FCGR3B: variants seen among roughly 807,000 people sequenced by gnomAD.
FCGR3B encodes Fc gamma receptor IIIb.
In FCGR3B, 20 loss-of-function variants were observed where a neutral mutation model predicts 26.7. That is an observed-to-expected ratio of 0.75 (90% CI 0.53 to 1.09). The LOEUF is 1.09. Ranked by LOEUF, FCGR3B falls within the 50% of genes least tolerant of loss-of-function variation. The probability of loss-of-function intolerance (pLI) is 0.00; values close to 1 mark genes in which losing one functional copy is unlikely to be tolerated. For missense variants in FCGR3B, 191 were observed against 279.7 expected, an observed-to-expected ratio of 0.68 and a Z score of 2.26; for synonymous variants, 79 against 107.0, an observed-to-expected ratio of 0.74 and a Z score of 1.62.
In FCGR3B at chr1:161,623,479, C is replaced by G. The variant is rs931424925; in HGVS notation, c.*1036G>C. The G allele has an allele frequency of 1.3e-5, 2 of 150,252 alleles. No individual in the cohort carries two copies. The highest frequency in any genetic ancestry group is 3.0e-5 in the Non-Finnish European group (2 of 67,724). 9.3% of individuals were successfully genotyped at this position (150,252 alleles called of 1,614,324 possible). A position where few individuals can be genotyped will look rare whatever the true frequency, so the allele number is the denominator to read the frequency against. On this transcript the variant is annotated 3_prime_UTR_variant, in exon 5 of 5. Coordinates refer to ENST00000650385, the MANE Select transcript of FCGR3B (RefSeq NM_001244753.2). ...ACATTTGTTTAATAAATGCAATGAA[C>G]AAAGCTATACAGGAACTAGACATTG...
chr1:161,628,091 G>A (rs1224413471), intron 3 of FCGR3B, among the ~76,000 whole-genome samples: 6 of 149,750 alleles, frequency 4.0e-5, no homozygotes, highest in African/African-American at 1.0e-4. Context: ...GGCTAATGCC[G>A]TGAAACCCTG....
At chr1:161,631,220 T>C, upstream of FCGR3B, 1 of 1,580,150 alleles carries the variant, frequency 6.3e-7, no homozygotes, top group South Asian at 1.2e-5. Flanking sequence ...ACCTGCCAGT[T>C]TCCTTTTCTT....
chr1:161,630,779 G>A, intron 1 of FCGR3B: 4 of 628,944 alleles, frequency 6.4e-6, no homozygotes, highest in Non-Finnish European at 1.0e-5. Flanking sequence ...CAGACCCTAG[G>A]GACCATCTAG....
At chr1:161,625,607 G>A (rs1477098196) in intron 4 of FCGR3B, among the ~76,000 whole-genome samples, 1 of 142,086 alleles carries the variant, frequency 7.0e-6, no homozygotes, top group Non-Finnish European at 1.5e-5. Flanking sequence ...ACAGAGTCTA[G>A]CACACTGAAA....
intron 3 of FCGR3B, among the ~76,000 whole-genome samples, chr1:161,628,404 T>C (rs2102592308): frequency 6.7e-6 from 1 of 150,322 alleles, no homozygotes; most frequent in African/African-American, 2.5e-5. Flanking sequence ...ATTCTCATGG[T>C]CACAGTTTAA....
Position 161,626,283 on chromosome 1 carries a change from C to G in FCGR3B, c.439G>C (p.Asp147His). Reference protein sequence around the residue: ...HKVTYLQNGKDRKYFHHNSDF... With the variant: ...HKVTYLQNGKHRKYFHHNSDF... ...GAATTATGATGAAAATACTTCCTGT[C>G]TTTGCCATTCTGTAAATATGTGACC... Residue 147 changes from aspartate to histidine, a missense_variant, in exon 4 of 5, where the codon GAC (aspartate) becomes CAC (histidine). By Grantham distance (81) the Asp-to-His change is moderately conservative (BLOSUM62 -1). Coordinates refer to ENST00000650385, the MANE Select transcript of FCGR3B (RefSeq NM_001244753.2). 1 of 1,608,756 alleles carries G rather than the reference C, an allele frequency of 6.2e-7. No individual in the cohort carries two copies. The highest frequency in any genetic ancestry group is 8.5e-7 in the Non-Finnish European group (1 of 1,177,734).
Position 161,629,846 on chromosome 1 carries a change from C to T in FCGR3B, c.251G>A (p.Ser84Asn), listed in dbSNP as rs759968609. 10 of 1,419,204 alleles carry T rather than the reference C, an allele frequency of 7.0e-6. No individual in the cohort carries two copies. Among genetic ancestry groups the T allele is most frequent in the Non-Finnish European group, 8.4e-6 (9 of 1,075,886 alleles). 87.9% of individuals were successfully genotyped at this position (1,419,204 alleles called of 1,614,324 possible). ...GTTTGTCTGGCACCTGTACTCTCCA[C>T]TGTCGTTGACTGTGGCAGCGTCAAT... ...YFIDAATVND[S>N]GEYRCQTNLS... is the part of the protein sequence containing the mutation. Residue 84 changes from serine to asparagine, a missense_variant, in exon 3 of 5, where the codon AGT becomes AAT. Ser to Asn is a conservative substitution (Grantham distance 46). Coordinates refer to ENST00000650385, the MANE Select transcript of FCGR3B (RefSeq NM_001244753.2).
At chr1:161,631,338 T>C (rs775378443), upstream of FCGR3B, 8 of 866,480 alleles carry the variant, frequency 9.2e-6, no homozygotes, top group South Asian at 1.8e-5. Context: ...GTGCCCCCTT[T>C]ACTCTCCCAA....
At chr1:161,630,961 C>G in intron 1 of FCGR3B, 94 bp downstream of exon 1, 1 of 1,502,582 alleles carries the variant, frequency 6.7e-7, no homozygotes, top group Non-Finnish European at 8.9e-7. Flanking sequence ...GGTCCCATCC[C>G]TTTGTGGGAG....
chr1:161,624,413 G>C lies in FCGR3B; in HGVS notation c.*102C>G. The C allele has an allele frequency of 1.5e-6, 2 of 1,350,020 alleles. No individual in the cohort carries two copies. The highest frequency in any genetic ancestry group is 2.1e-6 in the Non-Finnish European group (2 of 971,260). 83.6% of individuals were successfully genotyped at this position (1,350,020 alleles called of 1,614,324 possible). A position where few individuals can be genotyped will look rare whatever the true frequency, so the allele number is the denominator to read the frequency against. On this transcript the variant is annotated 3_prime_UTR_variant, in exon 5 of 5. Transcript: ENST00000650385. ...CAAATCCAGAGAAATGTTCAGAGAT[G>C]CTGCTGCCACTGCTCTTATTACCCC...
intron 3 of FCGR3B, among the ~76,000 whole-genome samples, chr1:161,629,503 T>G (rs1350086736): frequency 2.7e-5 from 1 of 36,854 alleles, no homozygotes; most frequent in African/African-American, 8.5e-5. Flanking sequence ...TGGCCTAACC[T>G]TCACATGACA....
chr1:161,626,356 G>T lies in FCGR3B; in HGVS notation c.366C>A (p.Asp122Glu). Residue 122 changes from aspartate to glutamate, a missense_variant, in exon 4 of 5, where the codon GAC becomes GAA. Transcript: ENST00000650385. ...QAPRWVFKEE[D>E]PIHLRCHSWK... is the part of the protein sequence containing the mutation. ...AGCTGTGACACCTCAGGTGAATAGG[G>T]TCTTCCTCCTTGAACACCCACCGAG... The T allele has an allele frequency of 6.2e-7, 1 of 1,608,800 alleles. No individual in the cohort carries two copies. The highest frequency in any genetic ancestry group is 8.5e-7 in the Non-Finnish European group (1 of 1,177,780).
chr1:161,625,101 A>G (rs1413128679), intron 4 of FCGR3B, among the ~76,000 whole-genome samples: 5 of 142,598 alleles, frequency 3.5e-5, no homozygotes, highest in African/African-American at 1.0e-4. Context: ...CATTGTTTAC[A>G]TGTTACCCCA....
chr1:161,628,010 A>C (rs776936741), intron 3 of FCGR3B, among the ~76,000 whole-genome samples: 4 of 150,266 alleles, frequency 2.7e-5, no homozygotes, highest in Non-Finnish European at 5.9e-5. Flanking sequence ...GCGGTGGCTC[A>C]CATCTGTAAT....
chr1:161,631,038 G>A lies in FCGR3B; in HGVS notation c.40+17C>T. 6.2e-7 allele frequency: 1 copy of A among 1,602,910 alleles called. No individual in the cohort carries two copies. Among genetic ancestry groups the A allele is most frequent in the Non-Finnish European group, 8.5e-7 (1 of 1,175,974 alleles). ...GCATCTCAAACTTCTCCCTCAACCA[G>A]GGAGATCCTGACTTACCTAGAAGTA... On this transcript the variant is annotated intron_variant, in intron 1 of 4. Transcript: ENST00000650385.
rs1679473464 is a variant in FCGR3B at position 161,626,503 on chromosome 1, A to T, written c.320-101T>A. The stretch of plus-strand genomic sequence containing the variant: ...CACCCAGATCCTGAGGCATAAGGGA[A>T]AGCCAGATTGGGAGTCAACCCTGCA... On this transcript the variant is annotated intron_variant, in intron 3 of 4. Coordinates refer to ENST00000650385, the MANE Select transcript of FCGR3B (RefSeq NM_001244753.2). 2.9e-5 allele frequency: 31 copies of T among 1,051,868 alleles called. 2 individuals are homozygous for T. The South Asian group carries it at 5.1e-4, about 17-fold the overall frequency. The allele number at this position is 1,051,868 out of a possible 1,614,324, so 65.2% of individuals were successfully genotyped here.
In FCGR3B at chr1:161,626,951, G is replaced by T. The variant is rs535695318; in HGVS notation, c.320-549C>A. The stretch of plus-strand genomic sequence containing the variant: ...AACTCAATGTAAACATCAGGGTGGC[G>T]AAGGGCGGGACTGGTAGTGCTCAGA... On this transcript the variant is annotated intron_variant, in intron 3 of 4. Coordinates refer to ENST00000650385, the MANE Select transcript of FCGR3B (RefSeq NM_001244753.2). 9.1e-4 allele frequency among the ~76,000 whole-genome samples: 136 copies of T among 150,190 alleles called. 13 individuals are homozygous for T. The highest frequency in any genetic ancestry group is 3.0e-3 in the African/African-American group (122 of 40,376).
At chr1:161,631,254 C>G (rs2102597504), upstream of FCGR3B, 1 of 1,519,720 alleles carries the variant, frequency 6.6e-7, no homozygotes, top group East Asian at 2.4e-5. Flanking sequence ...ATTTCTCAAT[C>G]TGAAGTCTCG....
Position 161,623,371 on chromosome 1 carries a change from T to C in FCGR3B, c.*1144A>G, listed in dbSNP as rs1439955489. On this transcript the variant is annotated 3_prime_UTR_variant, in exon 5 of 5. Transcript: ENST00000650385. ...AATTGTCTTCTCCATCCCCACCTCA[T>C]TGGAACTGACATGAAGAAGGATTTG... 3 of 150,426 alleles carry C rather than the reference T, an allele frequency of 2.0e-5. No homozygotes were observed. The highest frequency in any genetic ancestry group is 4.4e-5 in the Non-Finnish European group (3 of 67,750). The allele number at this position is 150,426 out of a possible 1,614,324, so 9.3% of individuals were successfully genotyped here.
Sources: allele counts gnomAD v4.1 joint callset (sites outside exome capture counted in the v4.1 genomes callset), GRCh38; gene constraint gnomAD v4.1.1; transcripts MANE v1.5; gene names NCBI Gene and HGNC (gene_info 2026-07-23, HGNC 2026-07-21).